Variants in LPP observed in about 807,000 individuals in gnomAD.
LPP encodes the protein LIM domain containing preferred translocation partner in lipoma.
A neutral mutation model predicts 60.4 loss-of-function variants in LPP; 38 were observed. The observed-to-expected ratio is 0.63, with a 90% CI of 0.49 to 0.83. LPP has a LOEUF of 0.83. Among genes scored for constraint, LPP ranks in the 40% least tolerant of loss-of-function variants. The probability of loss-of-function intolerance (pLI) is 0.00; values close to 1 mark genes in which losing one functional copy is unlikely to be tolerated. For missense variants in LPP, 902 were observed against 783.6 expected (o/e 1.15, Z -1.80); for synonymous variants, 328 against 290.8 (o/e 1.13, Z -1.30).
intron 9 of LPP, among the ~76,000 whole-genome samples, chr3:188,847,147 G>C (rs796378671): frequency 4.9e-4 from 75 of 152,364 alleles, no homozygotes; most frequent in African/African-American, 1.7e-3. Flanking sequence ...CTGTTGCTGA[G>C]AAGTGTCTTC....
chr3:188,671,332 A>G (rs958109276), intron 7 of LPP, among the ~76,000 whole-genome samples: 2 of 152,222 alleles, frequency 1.3e-5, no homozygotes, highest in African/African-American at 2.4e-5. Flanking sequence ...AAAGTTTCAC[A>G]GGAGTCCCTT....
chr3:188,579,256 G>A (rs1217945114), intron 6 of LPP, among the ~76,000 whole-genome samples: 2 of 151,344 alleles, frequency 1.3e-5, no homozygotes, highest in Non-Finnish European at 3.0e-5. Context: ...ACATGGAGGT[G>A]TGTGTGTGAA....
chr3:188,157,440 C>A (rs1424575786), intron 1 of LPP, among the ~76,000 whole-genome samples: 1 of 151,992 alleles, frequency 6.6e-6, no homozygotes, highest in Non-Finnish European at 1.5e-5. Flanking sequence ...GCTGAAGATG[C>A]TGGATGATGG....
intron 2 of LPP, among the ~76,000 whole-genome samples, chr3:188,316,696 T>C (rs1238228186): frequency 6.6e-6 from 1 of 152,242 alleles, no homozygotes; most frequent in African/African-American, 2.4e-5. Flanking sequence ...GACCTCTTCC[T>C]ATGTCTCATT....
chr3:188,703,549 C>T (rs1345632222), intron 7 of LPP, among the ~76,000 whole-genome samples: 1 of 152,116 alleles, frequency 6.6e-6, no homozygotes, highest in Non-Finnish European at 1.5e-5. Flanking sequence ...GGGTTAGTGA[C>T]AGCCGTGGAG....
chr3:188,250,784 T>TTCTGTCTGTCTG (rs71634070), intron 2 of LPP, among the ~76,000 whole-genome samples: 2 of 116,850 alleles, frequency 1.7e-5, no homozygotes, highest in African/African-American at 7.4e-5. Flanking sequence ...CTTTCTTTCT[T>TTCTGTCTGTCTG]TCTGTCTTTC....
chr3:188,165,711 A>G (rs1364342986), intron 1 of LPP, among the ~76,000 whole-genome samples: 2 of 152,204 alleles, frequency 1.3e-5, no homozygotes, highest in Non-Finnish European at 2.9e-5. Flanking sequence ...AGCTGCTACA[A>G]TAGCCCAGGC....
chr3:188,637,152 TAACA>T (rs1256576776), intron 7 of LPP, among the ~76,000 whole-genome samples: 1 of 151,524 alleles, frequency 6.6e-6, no homozygotes, highest in African/African-American at 2.4e-5. Flanking sequence ...ACAGAAATTA[TAACA>T]AACTATCTCT....
rs1046508662 is a variant in LPP, at chr3:188,886,180, T to G, written c.*11701T>G. ...GTGGAGGGAGGAGGGAGGGATAGCA[T>G]TAGGAGATATACCTAATGCTAAATG... On this transcript the variant is annotated 3_prime_UTR_variant, in exon 12 of 12. Transcript: ENST00000617246. 1.3e-5 allele frequency: 2 copies of G among 151,736 alleles called. No homozygotes were observed. The highest frequency in any genetic ancestry group is 2.9e-5 in the Non-Finnish European group (2 of 68,114). The allele number at this position is 151,736 out of a possible 1,614,324, so 9.4% of individuals were successfully genotyped here.
At chr3:188,504,725 C>G (rs977864147) in intron 5 of LPP, among the ~76,000 whole-genome samples, 7 of 151,274 alleles carry the variant, frequency 4.6e-5, no homozygotes, top group South Asian at 2.1e-4. Flanking sequence ...CTCATTTCCT[C>G]TGTTGTTTTC....
intron 6 of LPP, among the ~76,000 whole-genome samples, chr3:188,578,388 C>T (rs1835263266): frequency 6.6e-6 from 1 of 152,146 alleles, no homozygotes; most frequent in Non-Finnish European, 1.5e-5. Flanking sequence ...CTTCTTTCTC[C>T]AGATGGCTGT....
Position 188,876,215 on chromosome 3 carries a change from A to G in LPP, c.*1736A>G, listed in dbSNP as rs189139795. 2.1e-5 allele frequency: 4 copies of G among 186,422 alleles called. No individual in the cohort carries two copies. In the East Asian group the frequency reaches 3.5e-4, roughly 16 times the overall value. 11.5% of individuals were successfully genotyped at this position (186,422 alleles called of 1,614,324 possible). The stretch of plus-strand genomic sequence containing the variant: ...TGTTTTGAATTGCAAACTATTCCTC[A>G]GGAATTCCAATTAAATTTATTTTAC... On this transcript the variant is annotated 3_prime_UTR_variant, in exon 12 of 12. Transcript: ENST00000617246.
chr3:188,483,747 C>T (rs535331365), intron 4 of LPP, among the ~76,000 whole-genome samples: 1 of 152,218 alleles, frequency 6.6e-6, no homozygotes, highest in Non-Finnish European at 1.5e-5. Context: ...CTCATTACTT[C>T]TTGCCTGGAT....
intron 7 of LPP, among the ~76,000 whole-genome samples, chr3:188,648,135 C>T (rs919331205): frequency 6.6e-6 from 1 of 152,076 alleles, no homozygotes; most frequent in Non-Finnish European, 1.5e-5. Flanking sequence ...TGGTGCTCTG[C>T]ATTATAGTAG....
At chr3:188,256,858 G>C (rs1395948497) in intron 2 of LPP, among the ~76,000 whole-genome samples, 1 of 152,150 alleles carries the variant, frequency 6.6e-6, no homozygotes, top group Non-Finnish European at 1.5e-5. Context: ...TGTGCAGGGA[G>C]GTACACATGC....
chr3:188,338,317 T>C (rs1259700598), intron 2 of LPP, among the ~76,000 whole-genome samples: 3 of 152,236 alleles, frequency 2.0e-5, no homozygotes, highest in Non-Finnish European at 4.4e-5. Flanking sequence ...ATGACTGGAA[T>C]GCAGGGCAGT....
intron 3 of LPP, among the ~76,000 whole-genome samples, chr3:188,358,850 A>G (rs1039361091): frequency 6.6e-5 from 10 of 152,140 alleles, no homozygotes; most frequent in Admixed American, 4.6e-4. Context: ...TTTTTGATGC[A>G]TTGTCCGCAA....
intron 6 of LPP, among the ~76,000 whole-genome samples, chr3:188,607,368 A>AAGAT (rs1323121185): frequency 8.1e-4 from 68 of 83,682 alleles, no homozygotes; most frequent in African/African-American, 2.7e-3. Flanking sequence ...TTGAAAATAG[A>AAGAT]AGATATATAT....
intron 1 of LPP, among the ~76,000 whole-genome samples, chr3:188,161,067 T>A (rs1560071161): frequency 6.6e-6 from 1 of 152,150 alleles, no homozygotes; most frequent in Non-Finnish European, 1.5e-5. Context: ...AAATGTGTGT[T>A]TGGAGATCAC....
Sources: allele counts gnomAD v4.1 joint callset (sites outside exome capture counted in the v4.1 genomes callset), GRCh38; gene constraint gnomAD v4.1.1; transcripts MANE v1.5; gene names NCBI Gene and HGNC (gene_info 2026-07-23, HGNC 2026-07-21).